Variants in CXCL13 observed in about 807,000 individuals in gnomAD.
The protein encoded by CXCL13 is C-X-C motif chemokine 13.
A neutral mutation model predicts 12.2 loss-of-function variants in CXCL13; 7 were observed. The observed-to-expected ratio is 0.57, with a 90% CI of 0.33 to 1.07. The LOEUF is 1.07. CXCL13 is among the 50% of genes least tolerant of loss of function. CXCL13 has a pLI of 0.04. For synonymous variants in CXCL13, 47 were observed against 42.4 expected (o/e 1.11, Z -0.42); for missense variants, 113 against 127.4 (o/e 0.89, Z 0.55).
At chr4:77,580,938 C>G (rs1336580839) in intron 1 of CXCL13, among the ~76,000 whole-genome samples, 15 of 150,198 alleles carry the variant, frequency 1.0e-4, no homozygotes, top group Non-Finnish European at 4.4e-5. Context: ...CACATTCTCA[C>G]TTCTTTACTT....
At chr4:77,529,308 C>A (rs1724847616) in intron 1 of CXCL13, among the ~76,000 whole-genome samples, 1 of 152,106 alleles carries the variant, frequency 6.6e-6, no homozygotes, top group African/African-American at 2.4e-5. Flanking sequence ...TTTTCTAATT[C>A]TGTGAAGAAA....
chr4:77,563,326 G>T (rs762033622), intron 1 of CXCL13, among the ~76,000 whole-genome samples: 2 of 152,174 alleles, frequency 1.3e-5, no homozygotes, highest in Non-Finnish European at 2.9e-5. Context: ...CTCCCTTGGC[G>T]CTCAGGTGAG....
Position 77,536,214 on chromosome 4 carries a change from G to A in CXCL13, c.-43+24426G>A, listed in dbSNP as rs115406041. ...AGATATCCAGTGTAGTTTACACTCT[G>A]CCTTATTTCATTGACGATGTAAAGT... On this transcript the variant is annotated intron_variant, in intron 1 of 4. Coordinates refer to the CXCL13 transcript ENST00000286758. 5.4e-3 allele frequency among the ~76,000 whole-genome samples: 828 copies of A among 152,222 alleles called. 8 individuals are homozygous for A. Among genetic ancestry groups the A allele is most frequent in the African/African-American group, 0.018 (728 of 41,522 alleles).
At chr4:77,584,505 A>G (rs777124662) in intron 1 of CXCL13, among the ~76,000 whole-genome samples, 1 of 152,252 alleles carries the variant, frequency 6.6e-6, no homozygotes, top group Non-Finnish European at 1.5e-5. Flanking sequence ...TAATCTCAAC[A>G]TTTGACAGAA....
rs1030787737 is a variant in CXCL13 at position 77,552,033 on chromosome 4, C to A, written c.-43+40245C>A. ...GTTGATTTTCAACCTTATCTTGTAT[C>A]TCATTGAACTTCCTAACAATCTATC... On this transcript the variant is annotated intron_variant, in intron 1 of 4. Transcript: ENST00000286758. Among the ~76,000 whole-genome samples, 3 of 152,054 alleles carry A rather than the reference C, an allele frequency of 2.0e-5. No individual in the cohort carries two copies. The East Asian group carries it at 5.8e-4, about 29-fold the overall frequency.
intron 1 of CXCL13, among the ~76,000 whole-genome samples, chr4:77,521,951 CT>C (rs1349753127): frequency 1.3e-5 from 2 of 152,050 alleles, no homozygotes; most frequent in African/African-American, 4.8e-5. Context: ...TTATTTCTGC[CT>C]TCATTTTGTT....
chr4:77,568,249 T>G (rs1447742280), intron 1 of CXCL13, among the ~76,000 whole-genome samples: 4 of 152,238 alleles, frequency 2.6e-5, no homozygotes, highest in Non-Finnish European at 2.9e-5. Flanking sequence ...GGCTCCTCTG[T>G]CCTTTCCTGT....
intron 1 of CXCL13, among the ~76,000 whole-genome samples, chr4:77,566,917 T>C (rs933616048): frequency 1.6e-4 from 24 of 152,220 alleles, no homozygotes; most frequent in African/African-American, 5.5e-4. Context: ...TAAGCCATCA[T>C]ATCCCCTGTG....
At chr4:77,576,241 T>G (rs114199134) in intron 1 of CXCL13, among the ~76,000 whole-genome samples, 1 of 152,122 alleles carries the variant, frequency 6.6e-6, no homozygotes, top group South Asian at 2.1e-4. Flanking sequence ...AATAGAAAAC[T>G]GAAGTAATGT....
intron 1 of CXCL13, among the ~76,000 whole-genome samples, chr4:77,540,187 A>G (rs1725165956): frequency 6.6e-6 from 1 of 152,210 alleles, no homozygotes; most frequent in African/African-American, 2.4e-5. Flanking sequence ...AAAAATTTTT[A>G]TACACTTCAT....
chr4:77,611,454 A>G lies in CXCL13; in HGVS notation c.*415A>G, dbSNP rs1166424562. The G allele has an allele frequency of 2.6e-6, 1 of 387,574 alleles. No individual in the cohort carries two copies. Among genetic ancestry groups the G allele is most frequent in the African/African-American group, 2.1e-5 (1 of 48,446 alleles). 24.0% of individuals were successfully genotyped at this position (387,574 alleles called of 1,614,324 possible). On this transcript the variant is annotated 3_prime_UTR_variant, in exon 4 of 4. Transcript: ENST00000682537. Reference sequence around the variant, plus strand: ...AAAAGCAGGCTTCTATGAAAGACTCAAAAAGCTGCCTGGGAGGCAGATGGA... The same window carrying G: ...AAAAGCAGGCTTCTATGAAAGACTCGAAAAGCTGCCTGGGAGGCAGATGGA...
chr4:77,576,831 A>G (rs1212850183), intron 1 of CXCL13, among the ~76,000 whole-genome samples: 2 of 152,214 alleles, frequency 1.3e-5, no homozygotes, highest in African/African-American at 4.8e-5. Flanking sequence ...CCTAAAGTCT[A>G]TTTTGCAAAC....
intron 1 of CXCL13, among the ~76,000 whole-genome samples, chr4:77,599,922 C>T (rs1726853045): frequency 6.6e-6 from 1 of 152,024 alleles, no homozygotes; most frequent in South Asian, 2.1e-4. Context: ...GAAAGTCAGG[C>T]TATTTTAAGA....
chr4:77,570,910 C>A (rs1726058894), intron 1 of CXCL13, among the ~76,000 whole-genome samples: 2 of 152,040 alleles, frequency 1.3e-5, no homozygotes, highest in African/African-American at 4.8e-5. Context: ...ATGGGGCAGG[C>A]CTCGGGACTG....
intron 1 of CXCL13, among the ~76,000 whole-genome samples, chr4:77,581,901 C>A (rs1477690748): frequency 6.6e-6 from 1 of 152,142 alleles, no homozygotes. Context: ...GCCTCCTACT[C>A]GTTGAACTGG....
intron 1 of CXCL13, among the ~76,000 whole-genome samples, chr4:77,521,263 A>G (rs1724590162): frequency 1.3e-5 from 2 of 152,066 alleles, no homozygotes; most frequent in African/African-American, 4.8e-5. Flanking sequence ...CTCTTTTTCT[A>G]TTGATTGTAA....
chr4:77,601,183 G>A (rs2109835377), upstream of CXCL13, among the ~76,000 whole-genome samples: 1 of 152,290 alleles, frequency 6.6e-6, no homozygotes, highest in South Asian at 2.1e-4. Context: ...CTTGAAATAT[G>A]AATTTAATTA....
At chr4:77,562,301 C>T (rs568259558) in intron 1 of CXCL13, among the ~76,000 whole-genome samples, 99 of 151,830 alleles carry the variant, frequency 6.5e-4, no homozygotes, top group African/African-American at 2.2e-3. Context: ...TGGGTCCCAT[C>T]GACTGCCCAA....
chr4:77,556,110 T>A (rs1725651060), intron 1 of CXCL13, among the ~76,000 whole-genome samples: 1 of 152,164 alleles, frequency 6.6e-6, no homozygotes, highest in Non-Finnish European at 1.5e-5. Flanking sequence ...TATATACCAA[T>A]GAGAAATAAA....
Sources: allele counts gnomAD v4.1 joint callset (sites outside exome capture counted in the v4.1 genomes callset), GRCh38; gene constraint gnomAD v4.1.1; transcripts MANE v1.5; gene names NCBI Gene and HGNC (gene_info 2026-07-23, HGNC 2026-07-21).